KIAA0319L: variants seen among roughly 807,000 people sequenced by gnomAD.
KIAA0319L encodes the protein KIAA0319 like.
Under a neutral mutation model 120.1 loss-of-function variants are expected in KIAA0319L, and 55 were observed. The observed-to-expected ratio is 0.46, with a 90% CI of 0.37 to 0.57. The LOEUF is 0.57. Among genes scored for constraint, KIAA0319L ranks in the 20% least tolerant of loss-of-function variants. The pLI is 0.00. For missense variants in KIAA0319L, 1,049 were observed against 1,255.3 expected (o/e 0.84, Z 2.48); for synonymous variants, 398 against 471.9 (o/e 0.84, Z 2.03).
At chr1:35,509,297 G>T (rs578138622) in intron 2 of KIAA0319L, among the ~76,000 whole-genome samples, 7 of 152,288 alleles carry the variant, frequency 4.6e-5, no homozygotes, top group Admixed American at 4.6e-4. Context: ...ATTTACTAAG[G>T]TATAGGTTGA....
intron 18 of KIAA0319L, 98 bp from the exon 19 acceptor site, chr1:35,442,434 G>A (rs1449957609): frequency 2.3e-6 from 2 of 878,656 alleles, no homozygotes; most frequent in Non-Finnish European, 3.9e-6. Flanking sequence ...TCACTCTGGA[G>A]ACAAGAATGC....
intron 16 of KIAA0319L, among the ~76,000 whole-genome samples, chr1:35,445,306 A>C (rs1457135960): frequency 6.6e-6 from 1 of 152,214 alleles, no homozygotes; most frequent in African/African-American, 2.4e-5. Flanking sequence ...TCAATTCCAG[A>C]AACAAACAAA....
At chr1:35,463,613 T>C (rs1393884834) in intron 7 of KIAA0319L, among the ~76,000 whole-genome samples, 1 of 152,234 alleles carries the variant, frequency 6.6e-6, no homozygotes, top group Non-Finnish European at 1.5e-5. Flanking sequence ...ATGGTCTTGA[T>C]GCTGATCACA....
rs997257383 is a variant in KIAA0319L at position 35,456,274 on chromosome 1, A to T, written c.1428-33T>A. 3.6e-6 allele frequency: 5 copies of T among 1,403,404 alleles called. No homozygotes were observed. The African/African-American group carries it at 7.2e-5, about 20-fold the overall frequency. 86.9% of individuals were successfully genotyped at this position (1,403,404 alleles called of 1,614,324 possible). A position where few individuals can be genotyped will look rare whatever the true frequency, so the allele number is the denominator to read the frequency against. On this transcript the variant is annotated intron_variant, in intron 9 of 20. Coordinates refer to ENST00000325722, the MANE Select transcript of KIAA0319L (RefSeq NM_024874.5). ...GGCAGAGAGAGGAGTGTGATCAGGG[A>T]CGGGTTTAAGGAAAGAGGAATAAAC...
In KIAA0319L at chr1:35,507,039, G is replaced by A. The variant is rs763969655; in HGVS notation, c.239C>T (p.Pro80Leu). The A allele has an allele frequency of 1.1e-5, 18 of 1,604,284 alleles. No individual in the cohort carries two copies. The highest frequency in any genetic ancestry group is 1.1e-5 in the South Asian group (1 of 89,640). The change falls in exon 3 of 21, where the codon CCC becomes CTC. Residue 80 changes from proline (P) to leucine (L), a missense_variant. Physicochemically the swap from Pro to Leu is moderately conservative, Grantham distance 98. Transcript: ENST00000325722. Reference sequence around the variant, plus strand: ...GGCAGCCCAACATGACTGGAGAGAGGGGGTTCCTTCAAGAAGCCAGAGGTG... The same window carrying A: ...GGCAGCCCAACATGACTGGAGAGAGAGGGTTCCTTCAAGAAGCCAGAGGTG... ...ENHLWLLEGT[P>L]SLQSCWAACC...
chr1:35,514,873 A>G (rs896613783), intron 2 of KIAA0319L, among the ~76,000 whole-genome samples: 2 of 152,238 alleles, frequency 1.3e-5, no homozygotes, highest in Admixed American at 6.5e-5. Flanking sequence ...CCTGATCTCA[A>G]CATTGGACCA....
intron 10 of KIAA0319L, among the ~76,000 whole-genome samples, chr1:35,455,708 G>A (rs1222948585): frequency 1.3e-5 from 2 of 149,840 alleles, no homozygotes; most frequent in East Asian, 2.0e-4. Flanking sequence ...AGCCTCCCAA[G>A]TAGCTGGGAT....
chr1:35,529,074 T>C (rs1218842100), intron 2 of KIAA0319L, among the ~76,000 whole-genome samples: 1 of 152,190 alleles, frequency 6.6e-6, no homozygotes, highest in Admixed American at 6.5e-5. Context: ...GTTATTGTTG[T>C]TGTTATTTGG....
intron 3 of KIAA0319L, among the ~76,000 whole-genome samples, chr1:35,495,422 C>A (rs1644763267): frequency 1.3e-5 from 2 of 152,036 alleles, no homozygotes; most frequent in Non-Finnish European, 2.9e-5. Context: ...AGGAGAAAAT[C>A]TTTCTCAGAT....
In KIAA0319L at chr1:35,506,645, T is replaced by C. The variant is rs761346891; in HGVS notation, c.633A>G (p.Glu211=). Residue 211 remains glutamate, a synonymous_variant, in exon 3 of 21, where the codon GAA becomes GAG. Coordinates refer to ENST00000325722, the MANE Select transcript of KIAA0319L (RefSeq NM_024874.5). This position sits in a 1 kb window ranked among gnomAD's most constrained non-coding sequence, Gnocchi z 4.0. ...AGCCACTGGTAGTCAGACCACCTAA[T>C]TCGTTGGAGTCATTCACTTTAGAAT... ...TQHSKVNDSN[E]LGGLTTSGSA... 6.2e-7 allele frequency: 1 copy of C among 1,613,926 alleles called. No individual in the cohort carries two copies. The highest frequency in any genetic ancestry group is 8.5e-7 in the Non-Finnish European group (1 of 1,179,932).
chr1:35,448,053 T>C lies in KIAA0319L; in HGVS notation c.2513+120A>G, dbSNP rs796605444. The C allele has an allele frequency of 1.1e-5, 10 of 937,530 alleles. No individual in the cohort carries two copies. In the African/African-American group the frequency reaches 1.7e-4, roughly 16 times the overall value. 58.1% of individuals were successfully genotyped at this position (937,530 alleles called of 1,614,324 possible). ...GAAGTCTATTGAAGAAAAGGCAACA[T>C]GAGTGTTTCTGGTCAGAAAGCCCAC... On this transcript the variant is annotated intron_variant, in intron 16 of 20. Transcript: ENST00000325722.
chr1:35,556,186 C>T (rs971589126), intron 1 of KIAA0319L, among the ~76,000 whole-genome samples: 2 of 152,196 alleles, frequency 1.3e-5, no homozygotes, highest in Non-Finnish European at 2.9e-5. Context: ...GCATTTAGGG[C>T]GTTACAAGTA....
At chr1:35,475,235 T>C (rs1643865200) in intron 4 of KIAA0319L, among the ~76,000 whole-genome samples, 2 of 152,168 alleles carry the variant, frequency 1.3e-5, no homozygotes, top group Non-Finnish European at 2.9e-5. Context: ...CTATTTTTCC[T>C]CCTTTCTCTC....
intron 15 of KIAA0319L, among the ~76,000 whole-genome samples, chr1:35,449,263 C>T (rs981461003): frequency 6.6e-6 from 1 of 152,148 alleles, no homozygotes; most frequent in African/African-American, 2.4e-5. Context: ...GGAATTTATA[C>T]AGCTCTATCC....
At chr1:35,462,963 A>G (rs945405884) in intron 7 of KIAA0319L, among the ~76,000 whole-genome samples, 5 of 152,074 alleles carry the variant, frequency 3.3e-5, no homozygotes, top group Non-Finnish European at 5.9e-5. Flanking sequence ...CCTCAAAAGG[A>G]GTGTACAACC....
Position 35,506,820 on chromosome 1 carries a change from C to T in KIAA0319L, c.458G>A (p.Gly153Glu). 1 of 1,614,150 alleles carries T rather than the reference C, an allele frequency of 6.2e-7. No homozygotes were observed. The highest frequency in any genetic ancestry group is 8.5e-7 in the Non-Finnish European group (1 of 1,180,006). Residue 153 changes from glycine (G) to glutamate (E), a missense_variant, in exon 3 of 21, where the codon GGG (glycine) becomes GAG (glutamate). By Grantham distance (98) the Gly-to-Glu change is moderately conservative. Transcript: ENST00000325722. The surrounding 1 kb of genome is among the most constrained non-coding windows in gnomAD (Gnocchi z 4.0). ...LPEDDVPHLL[G>E]LGWNWASWRQ... ...CCAAGATGCCCAGTTCCAACCTAGCCCCAGAAGATGTGGTACATCATCTTC... is the reference window on the plus strand; with the variant it reads ...CCAAGATGCCCAGTTCCAACCTAGCTCCAGAAGATGTGGTACATCATCTTC...
At chr1:35,550,198 T>C (rs1305170765) in intron 2 of KIAA0319L, among the ~76,000 whole-genome samples, 1 of 152,268 alleles carries the variant, frequency 6.6e-6, no homozygotes, top group Admixed American at 6.5e-5. Context: ...CATGTCTAAG[T>C]CAACAGCTGC....
chr1:35,519,710 C>A (rs548359446), intron 2 of KIAA0319L, among the ~76,000 whole-genome samples: 7 of 152,214 alleles, frequency 4.6e-5, no homozygotes, highest in Admixed American at 4.6e-4. Context: ...TTTCAAAGTT[C>A]TTTTTAAAAA....
At chr1:35,470,117 C>G (rs1234198344) in intron 6 of KIAA0319L, among the ~76,000 whole-genome samples, 1 of 152,012 alleles carries the variant, frequency 6.6e-6, no homozygotes, top group Non-Finnish European at 1.5e-5. Context: ...GTTGTCCCAC[C>G]CCACCTCAGC....
Sources: allele counts gnomAD v4.1 joint callset (sites outside exome capture counted in the v4.1 genomes callset), GRCh38; gene constraint gnomAD v4.1.1; non-coding constraint Gnocchi (gnomAD v3.1); transcripts MANE v1.5; gene names NCBI Gene and HGNC (gene_info 2026-07-23, HGNC 2026-07-21).